Variants in CACNA1D observed in about 807,000 individuals in gnomAD.
CACNA1D encodes the protein voltage-dependent L-type calcium channel subunit alpha-1D.
In CACNA1D, 55 loss-of-function variants were observed where a neutral mutation model predicts 257.1. That is an observed-to-expected ratio of 0.21 (90% CI 0.17 to 0.27). CACNA1D has a LOEUF of 0.27. CACNA1D is among the 10% of genes least tolerant of loss of function. CACNA1D has a pLI of 1.00. For synonymous variants in CACNA1D, 980 were observed against 1,014.9 expected (o/e 0.97, Z 0.65); for missense variants, 1,876 against 2,784.0 (o/e 0.67, Z 7.34).
At chr3:53,770,646 T>C in intron 32 of CACNA1D, 94 bp downstream of exon 32, 4 of 1,190,862 alleles carry the variant, frequency 3.4e-6, no homozygotes, top group Non-Finnish European at 3.7e-6. Context: ...GCTCCCCCTG[T>C]GTGGCCACTC....
intron 34 of CACNA1D, 127 bp from the exon 35 acceptor site, chr3:53,775,759 A>C: frequency 1.1e-6 from 1 of 911,494 alleles, no homozygotes; most frequent in Non-Finnish European, 1.8e-6. Flanking sequence ...CATTTCCATT[A>C]ATTCAAATTG....
At position 53,776,048 on chromosome 3, in the gene CACNA1D, A is replaced by G. The variant is rs748171534; in HGVS notation, c.4362+3A>G. 6.2e-7 allele frequency: 1 copy of G among 1,613,474 alleles called. No homozygotes were observed. The highest frequency in any genetic ancestry group is 8.5e-7 in the Non-Finnish European group (1 of 1,179,432). ...TTTACATGCTCTGTGCATTTCTGGT[A>G]AGTGAGCAACACAGCTCCCCCTCTC... On this transcript the variant is annotated splice_donor_region_variant and intron_variant, in intron 35 of 47. Coordinates refer to ENST00000350061, the MANE Select transcript of CACNA1D (RefSeq NM_001128840.3).
intron 8 of CACNA1D, among the ~76,000 whole-genome samples, chr3:53,681,673 C>G (rs2094431384): frequency 6.6e-6 from 1 of 152,110 alleles, no homozygotes; most frequent in Admixed American, 6.5e-5. Flanking sequence ...TGGTTTCTTT[C>G]TTCGTGAAGC....
chr3:53,669,818 T>C (rs1193808177), intron 7 of CACNA1D, among the ~76,000 whole-genome samples: 5 of 152,214 alleles, frequency 3.3e-5, no homozygotes. Context: ...TGTTTGTTGC[T>C]CACAGAGGCA....
At chr3:53,742,066 G>A (rs559435319) in intron 21 of CACNA1D, among the ~76,000 whole-genome samples, 2 of 152,302 alleles carry the variant, frequency 1.3e-5, no homozygotes, top group Admixed American at 1.3e-4. Flanking sequence ...ACCAAGAAGT[G>A]TCTAATATCT....
Position 53,800,837 on chromosome 3 carries a change from T to C in CACNA1D, c.5041-221T>C. ...GCACACTCGAGTGACAGCCGACAGC[T>C]TGCTCCCCAGCTCAGGAAATCGGTA... On this transcript the variant is annotated intron_variant, in intron 41 of 47. Transcript: ENST00000350061. The surrounding 1 kb of genome is among the most constrained non-coding windows in gnomAD (Gnocchi z 4.3). The C allele has an allele frequency of 1.6e-6, 1 of 611,262 alleles. No individual in the cohort carries two copies. Among genetic ancestry groups the C allele is most frequent in the Non-Finnish European group, 2.9e-6 (1 of 342,618 alleles). The allele number at this position is 611,262 out of a possible 1,614,324, so 37.9% of individuals were successfully genotyped here. A position where few individuals can be genotyped will look rare whatever the true frequency, so the allele number is the denominator to read the frequency against.
chr3:53,496,861 T>G lies in CACNA1D; in HGVS notation c.68-291T>G, dbSNP rs568903108. On this transcript the variant is annotated intron_variant, in intron 1 of 47. Transcript: ENST00000350061. ...ATGACCTCAGTTTTGTCAGAAGAAATGCACTAAAAGACCCTTTGTGAAGAC... is the reference window on the plus strand; with the variant it reads ...ATGACCTCAGTTTTGTCAGAAGAAAGGCACTAAAAGACCCTTTGTGAAGAC... Among the ~76,000 whole-genome samples, 4 of 152,244 alleles carry G rather than the reference T, an allele frequency of 2.6e-5. No homozygotes were observed. In the East Asian group the frequency reaches 7.7e-4, roughly 29 times the overall value.
At chr3:53,805,684 C>G (rs754939655) in intron 45 of CACNA1D, among the ~76,000 whole-genome samples, 52 of 151,668 alleles carry the variant, frequency 3.4e-4, no homozygotes, top group Middle Eastern at 3.4e-3. Context: ...CCTCCCTCAT[C>G]TCTGCTCCTC....
At chr3:53,697,221 G>A (rs1364088123) in intron 8 of CACNA1D, among the ~76,000 whole-genome samples, 2 of 152,226 alleles carry the variant, frequency 1.3e-5, no homozygotes, top group African/African-American at 4.8e-5. Context: ...CAGATGATAT[G>A]TCTAGTTTTG....
intron 3 of CACNA1D, among the ~76,000 whole-genome samples, chr3:53,558,813 G>A (rs190469963): frequency 2.4e-3 from 364 of 152,034 alleles, no homozygotes; most frequent in Middle Eastern, 0.01. Flanking sequence ...TTAGTTTTTA[G>A]CAATTTGTTT....
intron 4 of CACNA1D, among the ~76,000 whole-genome samples, chr3:53,653,585 T>C (rs1211312652): frequency 6.6e-6 from 1 of 152,140 alleles, no homozygotes; most frequent in Non-Finnish European, 1.5e-5. Flanking sequence ...CTGGTTTGGC[T>C]TAACCTCAGC....
chr3:53,676,157 C>T (rs2094374380), intron 8 of CACNA1D, among the ~76,000 whole-genome samples: 1 of 152,102 alleles, frequency 6.6e-6, no homozygotes, highest in African/African-American at 2.4e-5. Flanking sequence ...CAGAAGGGCA[C>T]ATATTCAGTA....
intron 7 of CACNA1D, among the ~76,000 whole-genome samples, chr3:53,668,989 G>A (rs2094296494): frequency 6.6e-6 from 1 of 152,170 alleles, no homozygotes; most frequent in African/African-American, 2.4e-5. Flanking sequence ...AGGTCATGCT[G>A]TGGGACCCCC....
chr3:53,704,307 A>G (rs1000351303), intron 9 of CACNA1D, among the ~76,000 whole-genome samples: 3 of 152,100 alleles, frequency 2.0e-5, no homozygotes, highest in African/African-American at 7.2e-5. Flanking sequence ...TGGCTGGTGC[A>G]AACCAGTGTG....
Position 53,628,119 on chromosome 3 carries a change from T to A in CACNA1D, c.484-22660T>A, listed in dbSNP as rs145038034. 2.5e-3 allele frequency among the ~76,000 whole-genome samples: 376 copies of A among 152,322 alleles called. 1 individual carries two copies. Among genetic ancestry groups the A allele is most frequent in the African/African-American group, 8.4e-3 (351 of 41,578 alleles). On this transcript the variant is annotated intron_variant, in intron 3 of 47. Coordinates refer to ENST00000350061, the MANE Select transcript of CACNA1D (RefSeq NM_001128840.3). ...CTAATACCTGGGTAACAGGAAGCAG[T>A]CACCCAACTCTCCTTTATGTACAGA...
At chr3:53,619,058 C>A (rs1222032371) in intron 3 of CACNA1D, among the ~76,000 whole-genome samples, 2 of 152,184 alleles carry the variant, frequency 1.3e-5, no homozygotes, top group Non-Finnish European at 2.9e-5. Context: ...GCCAGTGTAA[C>A]CTCCCTCCAT....
At chr3:53,777,777 C>T (rs1038722757) in intron 37 of CACNA1D, among the ~76,000 whole-genome samples, 1 of 152,152 alleles carries the variant, frequency 6.6e-6, no homozygotes, top group African/African-American at 2.4e-5. Flanking sequence ...TGTTTCCATG[C>T]CAGAGCACGC....
intron 38 of CACNA1D, 100 bp from the exon 39 acceptor site, chr3:53,781,466 A>G (rs2095424920): frequency 1.3e-6 from 1 of 787,324 alleles, no homozygotes. Context: ...AGAGGGCAGC[A>G]TGTTCATCCA....
In CACNA1D at chr3:53,650,767, T is replaced by A. The variant is rs1471229004; in HGVS notation, c.484-12T>A. On this transcript the variant is annotated splice_polypyrimidine_tract_variant and intron_variant, in intron 3 of 47. Coordinates refer to ENST00000350061, the MANE Select transcript of CACNA1D (RefSeq NM_001128840.3). ...CTGCTTTTTTGGTATGTTTCTTTGTTTTTCTTCACAGGAAAAAGTAGAATA... is the reference window on the plus strand; with the variant it reads ...CTGCTTTTTTGGTATGTTTCTTTGTATTTCTTCACAGGAAAAAGTAGAATA... 1.2e-6 allele frequency: 2 copies of A among 1,613,784 alleles called. No homozygotes were observed. Among genetic ancestry groups the A allele is most frequent in the Non-Finnish European group, 1.7e-6 (2 of 1,179,922 alleles).
Sources: allele counts gnomAD v4.1 joint callset (sites outside exome capture counted in the v4.1 genomes callset), GRCh38; gene constraint gnomAD v4.1.1; non-coding constraint Gnocchi (gnomAD v3.1); transcripts MANE v1.5; gene names NCBI Gene and HGNC (gene_info 2026-07-23, HGNC 2026-07-21).